Variants in ARF1 observed in about 807,000 individuals in gnomAD.
ARF1 encodes ADP-ribosylation factor 1.
ARF1 carries 1 observed loss-of-function variant against 18.0 expected under a neutral mutation model. The ratio of observed to expected loss-of-function variants is 0.06; its 90% CI spans 0.02 to 0.26. The LOEUF (loss-of-function observed/expected upper bound fraction) is 0.26, where lower values mean the gene tolerates loss of function less well. Ranked by LOEUF, ARF1 falls within the 10% of genes least tolerant of loss-of-function variation. The pLI is 1.00. For missense variants in ARF1, 73 were observed against 247.2 expected (o/e 0.30, Z 4.73); for synonymous variants, 112 against 96.3 (o/e 1.16, Z -0.95).
intron 1 of ARF1, among the ~76,000 whole-genome samples, chr1:228,086,515 C>CAA (rs796644449): frequency 8.6e-5 from 8 of 92,862 alleles, no homozygotes; most frequent in South Asian, 3.4e-4. Flanking sequence ...GACTTTGTCT[C>CAA]AAAAAAAAAA....
In ARF1 at chr1:228,098,540, G is replaced by C. The variant is rs1443958827; in HGVS notation, c.*527G>C. ...GTCGCCAGCCCAGCTGTTCCCCTCG[G>C]GAACATGAGGTGGTGGTGGCGCAGC... On this transcript the variant is annotated 3_prime_UTR_variant, in exon 5 of 5. Transcript: ENST00000272102. 6.5e-6 allele frequency: 1 copy of C among 152,962 alleles called. No homozygotes were observed. Among genetic ancestry groups the C allele is most frequent in the Non-Finnish European group, 1.5e-5 (1 of 68,294 alleles). 9.5% of individuals were successfully genotyped at this position (152,962 alleles called of 1,614,324 possible). A position where few individuals can be genotyped will look rare whatever the true frequency, so the allele number is the denominator to read the frequency against.
At chr1:228,088,136 C>G (rs1394459307) in intron 1 of ARF1, 1 of 152,258 alleles carries the variant, frequency 6.6e-6, no homozygotes, top group East Asian at 1.9e-4. Flanking sequence ...ACGGTGAGTG[C>G]CACACAGAGC....
intron 1 of ARF1, among the ~76,000 whole-genome samples, chr1:228,092,463 G>A (rs748215448): frequency 9.2e-5 from 14 of 152,164 alleles, no homozygotes; most frequent in African/African-American, 3.1e-4. Context: ...GAGAACTCTC[G>A]ATGTCACTGG....
chr1:228,084,042 C>T (rs822732), intron 1 of ARF1, among the ~76,000 whole-genome samples: 7,227 of 152,232 alleles, frequency 0.047, 589 homozygotes, highest in African/African-American at 0.16. Context: ...TGTTGCAAGG[C>T]TGGTGGTTCT....
At chr1:228,086,515 C>CAAA (rs796644449) in intron 1 of ARF1, among the ~76,000 whole-genome samples, 3 of 92,840 alleles carry the variant, frequency 3.2e-5, no homozygotes, top group African/African-American at 8.1e-5. Flanking sequence ...GACTTTGTCT[C>CAAA]AAAAAAAAAA....
At chr1:228,090,052 G>A (rs781649963) in intron 1 of ARF1, among the ~76,000 whole-genome samples, 1 of 152,246 alleles carries the variant, frequency 6.6e-6, no homozygotes, top group Non-Finnish European at 1.5e-5. Flanking sequence ...GCTGGAACCA[G>A]CGGCCTCCAT....
rs1229364274 is a variant in ARF1 at position 228,097,533 on chromosome 1, C to T, written c.260-58C>T. On this transcript the variant is annotated intron_variant, in intron 3 of 4. Transcript: ENST00000272102. This position sits in a 1 kb window ranked among gnomAD's most constrained non-coding sequence, Gnocchi z 8.1. The stretch of plus-strand genomic sequence containing the variant: ...AGCCCATAGATGGGGCATCGATGCC[C>T]ATAGATGCGGCAGGGGGGCTGTGTT... 11 of 1,613,720 alleles carry T rather than the reference C, an allele frequency of 6.8e-6. No homozygotes were observed. In the South Asian group the frequency reaches 8.8e-5, roughly 13 times the overall value.
chr1:228,090,709 A>G (rs2124848446), intron 1 of ARF1: 1 of 152,380 alleles, frequency 6.6e-6, no homozygotes, highest in South Asian at 2.1e-4. Context: ...TTGTGTAAGC[A>G]TCCATGGACA....
rs777847166 is a variant in ARF1, at chr1:228,097,751, C to G, written c.384+36C>G. ...GGGCCAGCCTGGGGAATGTGAGGAG[C>G]CAGTGTGGGTTCCGCCTGGTGGTAG... is the stretch of plus-strand genomic sequence containing the variant. On this transcript the variant is annotated intron_variant, in intron 4 of 4. Transcript: ENST00000272102. This position sits in a 1 kb window ranked among gnomAD's most constrained non-coding sequence, Gnocchi z 8.1. 13 of 1,592,720 alleles carry G rather than the reference C, an allele frequency of 8.2e-6. No homozygotes were observed. The Admixed American group carries it at 1.9e-4, about 23-fold the overall frequency.
Position 228,089,526 on chromosome 1 carries a change from G to A in ARF1, c.-38+6761G>A, listed in dbSNP as rs1306432703. On this transcript the variant is annotated intron_variant, in intron 1 of 4. Transcript: ENST00000272102. The surrounding 1 kb of genome is among the most constrained non-coding windows in gnomAD (Gnocchi z 4.1). ...TCTCTGGAAGAGCAAGTCTTTGTGT[G>A]GTGTTTCCCCTCAGCCTACATTTTT... 6.6e-6 allele frequency among the ~76,000 whole-genome samples: 1 copy of A among 152,212 alleles called. No individual in the cohort carries two copies. Among genetic ancestry groups the A allele is most frequent in the Admixed American group, 6.5e-5 (1 of 15,286 alleles).
At chr1:228,087,248 C>T (rs1176345748) in intron 1 of ARF1, among the ~76,000 whole-genome samples, 1 of 152,062 alleles carries the variant, frequency 6.6e-6, no homozygotes, top group Non-Finnish European at 1.5e-5. Flanking sequence ...ATACGCTATG[C>T]GGGAAACTTT....
rs1209200602 is a variant in ARF1 at position 228,089,943 on chromosome 1, T to A, written c.-37-7135T>A. On this transcript the variant is annotated intron_variant, in intron 1 of 4. Coordinates refer to ENST00000272102, the MANE Select transcript of ARF1 (RefSeq NM_001658.4). This position sits in a 1 kb window ranked among gnomAD's most constrained non-coding sequence, Gnocchi z 4.1. Reference sequence around the variant, plus strand: ...CCCTCTCTTCCTGGGTTCTTGCCACTCCCCTGAAAACCAGGGTAGCATTGT... The same window carrying A: ...CCCTCTCTTCCTGGGTTCTTGCCACACCCCTGAAAACCAGGGTAGCATTGT... Among the ~76,000 whole-genome samples the A allele has an allele frequency of 6.6e-6, 1 of 152,212 alleles. No individual in the cohort carries two copies. The highest frequency in any genetic ancestry group is 1.5e-5 in the Non-Finnish European group (1 of 68,040).
chr1:228,088,156 T>C (rs1002679917), intron 1 of ARF1: 8 of 152,352 alleles, frequency 5.3e-5, no homozygotes, highest in Admixed American at 2.0e-4. Flanking sequence ...CTGCCCACAC[T>C]GGTGGAGGGA....
chr1:228,085,020 C>T (rs2032349360), intron 1 of ARF1, among the ~76,000 whole-genome samples: 2 of 152,354 alleles, frequency 1.3e-5, no homozygotes, highest in South Asian at 4.1e-4. Context: ...ATTCTCTCCC[C>T]TTGACCTTTC....
Position 228,097,832 on chromosome 1 carries a change from C to A in ARF1, c.385-20C>A, listed in dbSNP as rs529619815. ...TCTGTCCTGTGGACAGCCCTTCCCA[C>A]CAACCCTTCCTTCCCCCAGGACCTC... On this transcript the variant is annotated intron_variant, in intron 4 of 4. Transcript: ENST00000272102. The surrounding 1 kb of genome is among the most constrained non-coding windows in gnomAD (Gnocchi z 8.1). 14 of 1,609,380 alleles carry A rather than the reference C, an allele frequency of 8.7e-6. No individual in the cohort carries two copies. The South Asian group carries it at 8.8e-5, about 10-fold the overall frequency.
intron 1 of ARF1, among the ~76,000 whole-genome samples, chr1:228,087,054 A>G (rs751378359): frequency 7.8e-4 from 119 of 152,348 alleles, no homozygotes; most frequent in Non-Finnish European, 1.2e-3. Context: ...GGGTTTTCCT[A>G]TGTCCTCAAA....
chr1:228,086,050 AG>A (rs1353485294), intron 1 of ARF1, among the ~76,000 whole-genome samples: 1 of 152,182 alleles, frequency 6.6e-6, no homozygotes, highest in East Asian at 1.9e-4. Flanking sequence ...ATTTTCCCAG[AG>A]TGGAGAGGGA....
chr1:228,096,281 C>T (rs1571843436), intron 1 of ARF1, among the ~76,000 whole-genome samples: 1 of 152,362 alleles, frequency 6.6e-6, no homozygotes, highest in South Asian at 2.1e-4. Flanking sequence ...AAGGCAGAAG[C>T]CTTCCTCACT....
At position 228,084,770 on chromosome 1, in the gene ARF1, G is replaced by GA. The variant is rs1259706443; in HGVS notation, c.-38+2012dup. Among the ~76,000 whole-genome samples, 12 of 152,326 alleles carry GA rather than the reference G, an allele frequency of 7.9e-5. No homozygotes were observed. In the East Asian group the frequency reaches 1.7e-3, roughly 22 times the overall value. ...GGTGATCATGGAAGTAGACCTAAGA[G>GA]AAAAAAACTTGTGCAAGTTCACACG... On this transcript the variant is annotated intron_variant, in intron 1 of 4. Coordinates refer to ENST00000272102, the MANE Select transcript of ARF1 (RefSeq NM_001658.4).
Sources: gnomAD v4.1 joint callset for allele counts (sites outside exome capture counted in the v4.1 genomes callset) on GRCh38, gnomAD v4.1.1 for gene constraint, Gnocchi (gnomAD v3.1) non-coding constraint, MANE v1.5 for transcripts, NCBI Gene and HGNC (gene_info 2026-07-23, HGNC 2026-07-21) for gene names.